SLC14A2: variants seen among roughly 807,000 people sequenced by gnomAD.
SLC14A2 encodes the protein solute carrier family 14 member 2.
A neutral mutation model predicts 104.6 loss-of-function variants in SLC14A2; 91 were observed. That is an observed-to-expected ratio of 0.87 (90% CI 0.73 to 1.04). The LOEUF (loss-of-function observed/expected upper bound fraction) is 1.04. Among genes scored for constraint, SLC14A2 ranks in the 50% least tolerant of loss-of-function variants. The pLI, the probability that SLC14A2 is intolerant of heterozygous loss-of-function variation, is 0.00. For missense variants in SLC14A2, 1,189 were observed against 1,156.0 expected (o/e 1.03, Z -0.41); for synonymous variants, 476 against 466.4 (o/e 1.02, Z -0.27).
At chr18:45,377,102 G>A (rs1257232919) in intron 1 of SLC14A2, among the ~76,000 whole-genome samples, 1 of 152,096 alleles carries the variant, frequency 6.6e-6, no homozygotes, top group East Asian at 1.9e-4. Flanking sequence ...CTTTCTAAAG[G>A]TGATGAAAAC....
intron 1 of SLC14A2, among the ~76,000 whole-genome samples, chr18:45,234,995 T>C (rs1201717319): frequency 1.3e-5 from 2 of 152,190 alleles, no homozygotes; most frequent in Non-Finnish European, 2.9e-5. Flanking sequence ...TTTTTCTTTT[T>C]TAAAAAAACA....
At chr18:45,457,994 G>T (rs1372571077) in intron 1 of SLC14A2, among the ~76,000 whole-genome samples, 1 of 152,148 alleles carries the variant, frequency 6.6e-6, no homozygotes, top group South Asian at 2.1e-4. Context: ...ACACACACAT[G>T]TGAGCCTTCG....
chr18:45,404,318 T>C (rs2086129833), intron 1 of SLC14A2, among the ~76,000 whole-genome samples: 1 of 152,238 alleles, frequency 6.6e-6, no homozygotes, highest in Non-Finnish European at 1.5e-5. Flanking sequence ...TATTATGTAA[T>C]AGTAAGGCTA....
intron 1 of SLC14A2, among the ~76,000 whole-genome samples, chr18:45,264,222 C>CT (rs896072637): frequency 3.9e-5 from 6 of 152,086 alleles, no homozygotes. Context: ...TCCTATTTTC[C>CT]TTTTTTGTTT....
intron 2 of SLC14A2, among the ~76,000 whole-genome samples, chr18:45,517,171 A>G (rs185446826): frequency 4.9e-4 from 75 of 152,298 alleles, no homozygotes; most frequent in African/African-American, 1.6e-3. Flanking sequence ...GGGCTTCATG[A>G]TGAAGACAGA....
intron 2 of SLC14A2, among the ~76,000 whole-genome samples, chr18:45,584,589 C>T (rs2044541691): frequency 6.6e-6 from 1 of 152,178 alleles, no homozygotes; most frequent in Non-Finnish European, 1.5e-5. Context: ...AGAAATGCAC[C>T]TGTTGATTAG....
At chr18:45,218,943 C>T (rs2084036773) in intron 1 of SLC14A2, among the ~76,000 whole-genome samples, 1 of 151,096 alleles carries the variant, frequency 6.6e-6, no homozygotes, top group African/African-American at 2.4e-5. Context: ...TTTCCAAACA[C>T]ATCTGAATTC....
chr18:45,260,976 C>T (rs1375909036), intron 1 of SLC14A2, among the ~76,000 whole-genome samples: 1 of 152,010 alleles, frequency 6.6e-6, no homozygotes, highest in Non-Finnish European at 1.5e-5. Context: ...GCACGTGTAC[C>T]CTCTGAATCC....
At position 45,527,029 on chromosome 18, in the gene SLC14A2, A is replaced by C. The variant is rs187874528; in HGVS notation, c.-35+43707A>C. The stretch of plus-strand genomic sequence containing the variant: ...AAGGATCTTAGATGTAATCTACCAA[A>C]ACCTTCATTTTTTAGACCAGAAAAG... On this transcript the variant is annotated intron_variant, in intron 2 of 20. Coordinates refer to the SLC14A2 transcript ENST00000586448. 2.6e-5 allele frequency among the ~76,000 whole-genome samples: 4 copies of C among 152,346 alleles called. No homozygotes were observed. In the East Asian group the frequency reaches 7.7e-4, roughly 29 times the overall value.
intron 2 of SLC14A2, among the ~76,000 whole-genome samples, chr18:45,545,717 T>C (rs1045332899): frequency 6.6e-6 from 1 of 152,160 alleles, no homozygotes; most frequent in African/African-American, 2.4e-5. Flanking sequence ...TTGGTCACTG[T>C]GTTAAAAAGC....
At chr18:45,649,878 G>T (rs1015411281) in intron 10 of SLC14A2, among the ~76,000 whole-genome samples, 18 of 152,196 alleles carry the variant, frequency 1.2e-4, no homozygotes, top group African/African-American at 4.1e-4. Context: ...ACAGTTAGTT[G>T]TCCTTTCTGT....
chr18:45,372,839 C>T (rs1202128309), intron 1 of SLC14A2, among the ~76,000 whole-genome samples: 4 of 152,048 alleles, frequency 2.6e-5, no homozygotes, highest in South Asian at 2.1e-4. Context: ...TCAAGAATAT[C>T]GTGTATTAAA....
chr18:45,218,873 A>C (rs961862757), intron 1 of SLC14A2, among the ~76,000 whole-genome samples: 2 of 151,132 alleles, frequency 1.3e-5, no homozygotes, highest in Admixed American at 6.6e-5. Context: ...CATGCACTAA[A>C]TCTCTGAGAA....
intron 2 of SLC14A2, among the ~76,000 whole-genome samples, chr18:45,514,222 G>T (rs1396442132): frequency 6.6e-6 from 1 of 152,146 alleles, no homozygotes; most frequent in Non-Finnish European, 1.5e-5. Flanking sequence ...TTCTGCTTCT[G>T]GGGAGGCCTC....
chr18:45,348,893 T>C (rs1240351950), intron 1 of SLC14A2, among the ~76,000 whole-genome samples: 2 of 152,200 alleles, frequency 1.3e-5, no homozygotes, highest in Admixed American at 1.3e-4. Context: ...GGCTCTGCCT[T>C]CCTTTTACAT....
chr18:45,663,808 A>G lies in SLC14A2; in HGVS notation c.1375A>G (p.Thr459Ala), dbSNP rs1214244059. 6.2e-7 allele frequency: 1 copy of G among 1,612,906 alleles called. No homozygotes were observed. The part of the protein sequence containing the change: ...PSGGGGEHPP[T>A]AGPKVEEGSE... ...AGGAGGCGGTGGGGAGCATCCACCC[A>G]CAGCAGGCCCAAAGGTGGAGGAGGG... Residue 459 changes from threonine (T) to alanine (A), a missense_variant, in exon 11 of 20, where the codon ACA (threonine) becomes GCA (alanine). Coordinates refer to ENST00000255226, the MANE Select transcript of SLC14A2 (RefSeq NM_007163.4).
At chr18:45,464,869 G>T (rs373657855) in intron 1 of SLC14A2, among the ~76,000 whole-genome samples, 3 of 152,206 alleles carry the variant, frequency 2.0e-5, no homozygotes, top group African/African-American at 7.2e-5. Context: ...ATAATTGCCG[G>T]CAGCAGGAGA....
At chr18:45,481,199 T>C (rs375053971) in intron 1 of SLC14A2, among the ~76,000 whole-genome samples, 2 of 152,090 alleles carry the variant, frequency 1.3e-5, no homozygotes, top group East Asian at 1.9e-4. Flanking sequence ...AGGCATTTTA[T>C]GTGTCTCTCT....
In SLC14A2 at chr18:45,669,516, A is replaced by C. The variant is rs2046093293; in HGVS notation, c.2229+18A>C. The stretch of plus-strand genomic sequence containing the variant: ...TGCCCTTGGTACGTATCATGGAAGG[A>C]GGAAGGGCAGGTCTGTCCACACTGG... On this transcript the variant is annotated intron_variant, in intron 16 of 19. Coordinates refer to ENST00000255226, the MANE Select transcript of SLC14A2 (RefSeq NM_007163.4). The C allele has an allele frequency of 6.2e-7, 1 of 1,604,158 alleles. No homozygotes were observed. The highest frequency in any genetic ancestry group is 1.1e-5 in the South Asian group (1 of 90,132).
Sources: allele counts gnomAD v4.1 joint callset (sites outside exome capture counted in the v4.1 genomes callset), GRCh38; gene constraint gnomAD v4.1.1; transcripts MANE v1.5; gene names NCBI Gene and HGNC (gene_info 2026-07-23, HGNC 2026-07-21).